PGAP2: variants seen among roughly 807,000 people sequenced by gnomAD.
PGAP2 encodes the protein acyltransferase PGAP2.
In PGAP2, 21 loss-of-function variants were observed where a neutral mutation model predicts 33.2. That is an observed-to-expected ratio of 0.63 (90% confidence interval 0.45 to 0.91). The LOEUF (loss-of-function observed/expected upper bound fraction) is 0.91. Among genes scored for constraint, PGAP2 ranks in the 40% least tolerant of loss-of-function variants. The probability of loss-of-function intolerance (pLI) is 0.00; values close to 1 mark genes in which losing one functional copy is unlikely to be tolerated. For synonymous variants in PGAP2, 161 were observed against 172.9 expected, an observed-to-expected ratio of 0.93 and a Z score of 0.54; for missense variants, 345 against 424.0, an observed-to-expected ratio of 0.81 and a Z score of 1.64.
At chr11:3,809,382 G>C (rs1171789526) in intron 1 of PGAP2, among the ~76,000 whole-genome samples, 2 of 152,218 alleles carry the variant, frequency 1.3e-5, no homozygotes, top group Non-Finnish European at 2.9e-5. Flanking sequence ...CAGAACTGTG[G>C]AAACAGATCT....
In PGAP2 at chr11:3,798,517, AC is replaced by A. The variant is rs2082918139; in HGVS notation, c.139+536del. On this transcript the variant is annotated intron_variant, in intron 1 of 6. Coordinates refer to the PGAP2 transcript ENST00000300730. ...GCTAATTTTTGTATTTATAGTAGAG[AC>A]GGGGATTTCACTGTGTTGGTCAGGC... Among the ~76,000 whole-genome samples the A allele has an allele frequency of 2.0e-5, 3 of 151,242 alleles. No homozygotes were observed. In the South Asian group the frequency reaches 6.2e-4, roughly 31 times the overall value.
upstream of PGAP2, among the ~76,000 whole-genome samples, chr11:3,806,589 A>C (rs2084382627): frequency 6.6e-6 from 1 of 152,190 alleles, no homozygotes; most frequent in Admixed American, 6.5e-5. Context: ...CAAATTAATC[A>C]ACAAATGCTA....
In PGAP2 at chr11:3,800,060, G is replaced by A. The variant is rs148392804; in HGVS notation, c.139+2078G>A. Among the ~76,000 whole-genome samples the A allele has an allele frequency of 6.6e-3, 1,005 of 152,278 alleles. 6 individuals carry two copies. The highest frequency in any genetic ancestry group is 0.011 in the Non-Finnish European group (769 of 68,038). ...GTAGGTGCTCAGTAGATACTTGAAGGAAGAAGAAAATCAATATATGGTTGG... is the reference window on the plus strand; with the variant it reads ...GTAGGTGCTCAGTAGATACTTGAAGAAAGAAGAAAATCAATATATGGTTGG... On this transcript the variant is annotated intron_variant, in intron 1 of 6. Transcript: ENST00000300730.
intron 1 of PGAP2, among the ~76,000 whole-genome samples, chr11:3,800,586 C>T (rs1033984396): frequency 3.3e-5 from 5 of 150,636 alleles, no homozygotes; most frequent in South Asian, 2.1e-4. Flanking sequence ...CCGAGGTGGG[C>T]GGATCACGAG....
intron 3 of PGAP2, chr11:3,822,932 C>A: frequency 1.3e-6 from 2 of 1,541,068 alleles, no homozygotes; most frequent in Non-Finnish European, 1.8e-6. Context: ...ATAGGAGTTC[C>A]AGGCATTAAG....
Position 3,819,866 on chromosome 11 carries a change from A to G in PGAP2, c.348+2331A>G, listed in dbSNP as rs116296211. On this transcript the variant is annotated intron_variant, in intron 3 of 6. Coordinates refer to ENST00000278243, the MANE Select transcript of PGAP2 (RefSeq NM_014489.4). ...TGTGTGTATATGTGCGTGTGTGTGT[A>G]CATGATGGAAGAGACAGTCCCTGCT... Among the ~76,000 whole-genome samples, 893 of 152,178 alleles carry G rather than the reference A, an allele frequency of 5.9e-3. 7 individuals are homozygous for G. Among genetic ancestry groups the G allele is most frequent in the African/African-American group, 0.02 (828 of 41,512 alleles).
intron 3 of PGAP2, chr11:3,822,863 A>T: frequency 9.4e-7 from 1 of 1,066,118 alleles, no homozygotes; most frequent in Non-Finnish European, 1.4e-6. Flanking sequence ...AACAAGCAAG[A>T]CACCAGTCCC....
intron 2 of PGAP2, among the ~76,000 whole-genome samples, chr11:3,814,827 TTTCTTTTTTTCC>T (rs2086606805): frequency 4.0e-5 from 6 of 149,966 alleles, no homozygotes; most frequent in Non-Finnish European, 5.9e-5. Flanking sequence ...TCTTTCTTTT[TTTCTTTTTTTCC>T]TTCTTTCTTT....
upstream of PGAP2, among the ~76,000 whole-genome samples, chr11:3,807,453 G>C (rs1169504291): frequency 6.7e-6 from 1 of 149,230 alleles, no homozygotes; most frequent in Non-Finnish European, 1.5e-5. Flanking sequence ...GATTACGGGC[G>C]CCCGCCACCG....
At position 3,825,507 on chromosome 11, in the gene PGAP2, A is replaced by AT; in HGVS notation, c.*49_*50insT. On this transcript the variant is annotated 3_prime_UTR_variant, in exon 7 of 7. Transcript: ENST00000278243. The stretch of plus-strand genomic sequence containing the variant: ...ACGCAGCCCACTGCCCAGAAACAAG[A>AT]AACACGATACCATTCTGGCCTTCCC... The AT allele has an allele frequency of 6.3e-7, 1 of 1,588,282 alleles. No homozygotes were observed. Among genetic ancestry groups the AT allele is most frequent in the Middle Eastern group, 2.2e-4 (1 of 4,534 alleles).
intron 1 of PGAP2, chr11:3,798,010 G>A: frequency 6.5e-7 from 1 of 1,534,372 alleles, no homozygotes; most frequent in South Asian, 1.2e-5. Context: ...TCCTTGCCCC[G>A]GTCCGCCGGC....
chr11:3,811,445 T>G lies in PGAP2; in HGVS notation c.165+21T>G. ...GTGGGGTAGGGCATGGGGACACTGA[T>G]ACCTCATATTCAGGCCGATCTGGAT... On this transcript the variant is annotated intron_variant, in intron 2 of 6. Coordinates refer to ENST00000278243, the MANE Select transcript of PGAP2 (RefSeq NM_014489.4). The surrounding 1 kb of genome is among the most constrained non-coding windows in gnomAD (Gnocchi z 4.6). The G allele has an allele frequency of 6.2e-7, 1 of 1,607,250 alleles. No individual in the cohort carries two copies. Among genetic ancestry groups the G allele is most frequent in the Non-Finnish European group, 8.5e-7 (1 of 1,175,182 alleles).
upstream of PGAP2, chr11:3,797,733 G>A (rs1000198150): frequency 9.4e-6 from 12 of 1,280,728 alleles, no homozygotes; most frequent in Middle Eastern, 1.9e-4. Context: ...AGGAGTTCGG[G>A]GAGGCACAGG....
rs762037493 is a variant in PGAP2, at chr11:3,811,208, C to A, written c.-10-42C>A. ...GCTGACTTTATCACTGAGTGCCAGCCTGGCTGCCTGGGGCCCTGACAGCAT... is the reference window on the plus strand; with the variant it reads ...GCTGACTTTATCACTGAGTGCCAGCATGGCTGCCTGGGGCCCTGACAGCAT... On this transcript the variant is annotated intron_variant, in intron 1 of 6. Coordinates refer to ENST00000278243, the MANE Select transcript of PGAP2 (RefSeq NM_014489.4). This position sits in a 1 kb window ranked among gnomAD's most constrained non-coding sequence, Gnocchi z 4.6. The A allele has an allele frequency of 1.3e-6, 2 of 1,577,540 alleles. No individual in the cohort carries two copies. The highest frequency in any genetic ancestry group is 1.7e-6 in the Non-Finnish European group (2 of 1,158,508).
upstream of PGAP2, chr11:3,808,169 T>G: frequency 2.0e-6 from 3 of 1,469,548 alleles, no homozygotes; most frequent in Non-Finnish European, 2.8e-6. Context: ...GGGAGGAAAC[T>G]GGCTTAATGT....
At chr11:3,818,983 G>A (rs2087824794) in intron 3 of PGAP2, among the ~76,000 whole-genome samples, 1 of 152,126 alleles carries the variant, frequency 6.6e-6, no homozygotes, top group Non-Finnish European at 1.5e-5. Flanking sequence ...TTATCCAGAG[G>A]GCAATTTTTA....
At chr11:3,823,026 T>TTC in intron 3 of PGAP2, 2 of 158,390 alleles carry the variant, frequency 1.3e-5, no homozygotes, top group Non-Finnish European at 2.2e-5. Flanking sequence ...TTTCTTTTCT[T>TTC]TTTTTTTTTT....
chr11:3,814,765 TTTC>T (rs2086465137), intron 2 of PGAP2, among the ~76,000 whole-genome samples: 11 of 91,982 alleles, frequency 1.2e-4, no homozygotes, highest in African/African-American at 1.6e-4. Context: ...TCTTTCTTTC[TTTC>T]TTTCTTTCTT....
upstream of PGAP2, chr11:3,808,408 G>T (rs2084834278): frequency 5.8e-6 from 9 of 1,547,554 alleles, no homozygotes; most frequent in African/African-American, 8.2e-5. Flanking sequence ...AGTGGGGGCA[G>T]ACCCGGGCTG....
Sources: gnomAD v4.1 joint callset for allele counts (sites outside exome capture counted in the v4.1 genomes callset) on GRCh38, gnomAD v4.1.1 for gene constraint, Gnocchi (gnomAD v3.1) non-coding constraint, MANE v1.5 for transcripts, NCBI Gene and HGNC (gene_info 2026-07-23, HGNC 2026-07-21) for gene names.